PRDM6: variants seen among roughly 807,000 people sequenced by gnomAD.
PRDM6 encodes putative histone-lysine N-methyltransferase PRDM6.
Under a neutral mutation model 60.8 loss-of-function variants are expected in PRDM6, and 25 were observed. That is an observed-to-expected ratio of 0.41 (90% CI 0.30 to 0.57). The LOEUF (loss-of-function observed/expected upper bound fraction) is 0.57. Among genes scored for constraint, PRDM6 ranks in the 20% least tolerant of loss-of-function variants. The pLI is 0.27. For missense variants in PRDM6, 839 were observed against 821.3 expected (o/e 1.02, Z -0.26); for synonymous variants, 407 against 357.4 (o/e 1.14, Z -1.57).
At chr5:123,177,172 T>C (rs2126888214) in intron 6 of PRDM6, among the ~76,000 whole-genome samples, 1 of 152,378 alleles carries the variant, frequency 6.6e-6, no homozygotes, top group Non-Finnish European at 1.5e-5. Flanking sequence ...CCTGTTTCCC[T>C]GGATGAAACC....
intron 3 of PRDM6, among the ~76,000 whole-genome samples, chr5:123,152,011 A>G (rs1049668307): frequency 2.6e-5 from 4 of 151,992 alleles, no homozygotes; most frequent in Non-Finnish European, 5.9e-5. Context: ...AAAAAAACAG[A>G]AAAAAACAAT....
intron 6 of PRDM6, among the ~76,000 whole-genome samples, chr5:123,174,956 G>A (rs573816022): frequency 4.6e-5 from 7 of 152,224 alleles, no homozygotes; most frequent in South Asian, 2.1e-4. Context: ...GAATAAATTC[G>A]AAGAGAAGCA....
chr5:123,142,349 T>G (rs1364478856), intron 3 of PRDM6, among the ~76,000 whole-genome samples: 1 of 152,110 alleles, frequency 6.6e-6, no homozygotes, highest in Non-Finnish European at 1.5e-5. Flanking sequence ...ACTTAGTAGG[T>G]CATACAGTTA....
chr5:123,192,688 G>A lies in PRDM6; in HGVS notation c.*5487G>A, dbSNP rs1264034941. 6.6e-6 allele frequency: 1 copy of A among 152,208 alleles called. No individual in the cohort carries two copies. Among genetic ancestry groups the A allele is most frequent in the Non-Finnish European group, 1.5e-5 (1 of 68,046 alleles). The allele number at this position is 152,208 out of a possible 1,614,324, so 9.4% of individuals were successfully genotyped here. Reference sequence around the variant, plus strand: ...CAGGCAGGAAGGGCAGGTTGTGTTGGAGGGTGGCCAGAAGAGAATAAGGTT... The same window carrying A: ...CAGGCAGGAAGGGCAGGTTGTGTTGAAGGGTGGCCAGAAGAGAATAAGGTT... On this transcript the variant is annotated 3_prime_UTR_variant, in exon 8 of 8. Coordinates refer to ENST00000407847, the MANE Select transcript of PRDM6 (RefSeq NM_001136239.4).
At chr5:123,134,510 T>TC (rs1306976713) in intron 3 of PRDM6, among the ~76,000 whole-genome samples, 13 of 152,092 alleles carry the variant, frequency 8.5e-5, no homozygotes, top group Non-Finnish European at 1.5e-4. Flanking sequence ...GGATGTTAGA[T>TC]CCCCCCATCT....
intron 4 of PRDM6, among the ~76,000 whole-genome samples, chr5:123,157,655 G>C (rs1001494375): frequency 2.0e-5 from 3 of 152,150 alleles, no homozygotes; most frequent in African/African-American, 7.2e-5. Flanking sequence ...CAGTGACCAC[G>C]TCCAAGAGTA....
At chr5:123,097,256 G>C (rs980855662) in intron 2 of PRDM6, among the ~76,000 whole-genome samples, 3 of 152,218 alleles carry the variant, frequency 2.0e-5, no homozygotes, top group Non-Finnish European at 4.4e-5. Flanking sequence ...GGGAAAGAGA[G>C]AAACCTCTAT....
intron 6 of PRDM6, among the ~76,000 whole-genome samples, chr5:123,177,366 T>C (rs1047039714): frequency 2.8e-4 from 43 of 152,356 alleles, no homozygotes; most frequent in African/African-American, 9.4e-4. Flanking sequence ...ACTGTTATTA[T>C]AGTGGCAGGT....
chr5:123,104,115 TTAGA>T (rs1259282193), intron 3 of PRDM6, among the ~76,000 whole-genome samples: 5 of 152,122 alleles, frequency 3.3e-5, no homozygotes, highest in Admixed American at 2.0e-4. Context: ...CCATAATATT[TTAGA>T]TTTAATAAGA....
intron 3 of PRDM6, among the ~76,000 whole-genome samples, chr5:123,102,510 G>A (rs2150209082): frequency 1.3e-5 from 2 of 152,040 alleles, no homozygotes; most frequent in Middle Eastern, 6.8e-3. Flanking sequence ...AGAATACATT[G>A]TAGGTCTATC....
chr5:123,169,661 A>C (rs999952795), intron 5 of PRDM6, among the ~76,000 whole-genome samples: 3 of 152,208 alleles, frequency 2.0e-5, no homozygotes, highest in Non-Finnish European at 4.4e-5. Flanking sequence ...ACTATTTTAC[A>C]TTATACCAGG....
intron 3 of PRDM6, among the ~76,000 whole-genome samples, chr5:123,116,913 A>T (rs1413571528): frequency 1.3e-5 from 2 of 152,212 alleles, no homozygotes; most frequent in Admixed American, 1.3e-4. Flanking sequence ...TTGGACAGTG[A>T]AATCAGCTTT....
chr5:123,091,140 C>T (rs1426459286), intron 2 of PRDM6, among the ~76,000 whole-genome samples: 1 of 152,102 alleles, frequency 6.6e-6, no homozygotes, highest in African/African-American at 2.4e-5. Flanking sequence ...GGGAGCTGTT[C>T]GCTGGCCAGG....
rs2126896452 is a variant in PRDM6, at chr5:123,188,224, G to A, written c.*1023G>A. 1 of 152,280 alleles carries A rather than the reference G, an allele frequency of 6.6e-6. No homozygotes were observed. The highest frequency in any genetic ancestry group is 1.9e-4 in the East Asian group (1 of 5,172). 9.4% of individuals were successfully genotyped at this position (152,280 alleles called of 1,614,324 possible). On this transcript the variant is annotated 3_prime_UTR_variant, in exon 8 of 8. Transcript: ENST00000407847. Reference sequence around the variant, plus strand: ...CTTTCCTCTCTCCTGAGTGTGGGAGGAGCATGTCTACAAACACAAGTGAAA... The same window carrying A: ...CTTTCCTCTCTCCTGAGTGTGGGAGAAGCATGTCTACAAACACAAGTGAAA...
chr5:123,111,766 G>A (rs545658519), intron 3 of PRDM6, among the ~76,000 whole-genome samples: 3 of 151,510 alleles, frequency 2.0e-5, no homozygotes, highest in African/African-American at 7.3e-5. Flanking sequence ...GTGGTTGTTT[G>A]CCCCGCTTCC....
chr5:123,139,928 A>G (rs776300910), intron 3 of PRDM6, among the ~76,000 whole-genome samples: 1 of 152,116 alleles, frequency 6.6e-6, no homozygotes, highest in African/African-American at 2.4e-5. Context: ...TCTGTTTGAT[A>G]TAAATGTTTT....
At chr5:123,113,716 T>G (rs1407075690) in intron 3 of PRDM6, among the ~76,000 whole-genome samples, 1 of 152,182 alleles carries the variant, frequency 6.6e-6, no homozygotes, top group Non-Finnish European at 1.5e-5. Context: ...CACAGGCCTC[T>G]TTATTCAGCT....
At chr5:123,158,240 G>C (rs987401447) in intron 4 of PRDM6, among the ~76,000 whole-genome samples, 1 of 152,190 alleles carries the variant, frequency 6.6e-6, no homozygotes, top group Admixed American at 6.5e-5. Flanking sequence ...CAAGGGTGAA[G>C]TACAAAGTAG....
In PRDM6 at chr5:123,127,964, C is replaced by T. The variant is rs576789267; in HGVS notation, c.901-27920C>T. ...CCCTGGTGTGTGATGTTCCCCACCC[C>T]GTGTTCAAGTGTTCTCATTGTTCAA... On this transcript the variant is annotated intron_variant, in intron 3 of 7. Coordinates refer to ENST00000407847, the MANE Select transcript of PRDM6 (RefSeq NM_001136239.4). 1.8e-4 allele frequency among the ~76,000 whole-genome samples: 27 copies of T among 152,032 alleles called. No homozygotes were observed. The South Asian group carries it at 3.5e-3, about 20-fold the overall frequency.
Sources: allele counts gnomAD v4.1 joint callset (sites outside exome capture counted in the v4.1 genomes callset), GRCh38; gene constraint gnomAD v4.1.1; transcripts MANE v1.5; gene names NCBI Gene and HGNC (gene_info 2026-07-23, HGNC 2026-07-21).